The following LRRC4C variants were observed in gnomAD, a reference collection of about 807,000 sequenced individuals.
LRRC4C encodes leucine-rich repeat-containing protein 4C.
In LRRC4C, 5 loss-of-function variants were observed where a neutral mutation model predicts 33.6. The observed-to-expected ratio is 0.15, with a 90% CI of 0.08 to 0.31. The LOEUF is 0.31. Ranked by LOEUF, LRRC4C falls within the 10% of genes least tolerant of loss-of-function variation. The probability of loss-of-function intolerance (pLI) is 1.00; values close to 1 mark genes in which losing one functional copy is unlikely to be tolerated. For synonymous variants in LRRC4C, 329 were observed against 302.0 expected, an observed-to-expected ratio of 1.09 and a Z score of -0.93; for missense variants, 560 against 796.7, an observed-to-expected ratio of 0.70 and a Z score of 3.58.
At chr11:40,739,025 G>GTA (rs1293535868) in intron 2 of LRRC4C, among the ~76,000 whole-genome samples, 1,728 of 74,494 alleles carry the variant, frequency 0.023, 30 homozygotes, top group African/African-American at 0.068. Flanking sequence ...GTGTGTGTGT[G>GTA]TGTATGTGTG....
At chr11:41,355,806 A>G (rs540051752) in intron 1 of LRRC4C, among the ~76,000 whole-genome samples, 1 of 152,260 alleles carries the variant, frequency 6.6e-6, no homozygotes, top group African/African-American at 2.4e-5. Flanking sequence ...GTTTTTTTAA[A>G]GAATCATAGT....
At chr11:40,142,338 T>C (rs1857433635) in intron 5 of LRRC4C, among the ~76,000 whole-genome samples, 1 of 148,300 alleles carries the variant, frequency 6.7e-6, no homozygotes, top group Admixed American at 6.7e-5. Flanking sequence ...CCAAATCTCA[T>C]GGTTTCAAGA....
intron 3 of LRRC4C, among the ~76,000 whole-genome samples, chr11:40,524,035 A>G (rs540980385): frequency 6.6e-6 from 1 of 152,290 alleles, no homozygotes; most frequent in East Asian, 1.9e-4. Flanking sequence ...TTTGATCCCA[A>G]TCTAATGTGT....
intron 2 of LRRC4C, among the ~76,000 whole-genome samples, chr11:40,656,527 A>G (rs1379913761): frequency 1.4e-5 from 2 of 144,858 alleles, no homozygotes; most frequent in Non-Finnish European, 3.0e-5. Context: ...AACTCTATTT[A>G]TGTCCTTTCA....
At chr11:40,168,089 A>C (rs1273522498) in intron 5 of LRRC4C, among the ~76,000 whole-genome samples, 1 of 152,018 alleles carries the variant, frequency 6.6e-6, no homozygotes, top group Non-Finnish European at 1.5e-5. Context: ...CAAAAAAACT[A>C]TCCCACTGCT....
rs71060975 is a variant in LRRC4C at position 40,635,628 on chromosome 11, ATTTTTTTTT to A, written c.-270+12505_-270+12513del. On this transcript the variant is annotated intron_variant, in intron 3 of 6. Transcript: ENST00000528697. ...ACTCCAGAAATTGAAAAAGAACCAA[ATTTTTTTTT>A]TTTTTTTTTTTTTTTTTGAGACGGA... Among the ~76,000 whole-genome samples the A allele has an allele frequency of 1.8e-3, 167 of 92,230 alleles. 1 individual carries two copies. Among genetic ancestry groups the A allele is most frequent in the African/African-American group, 6.2e-3 (153 of 24,802 alleles). 60.5% of individuals were successfully genotyped at this position (92,230 alleles called of 152,430 possible).
At chr11:40,295,735 T>G (rs2136625191) in intron 4 of LRRC4C, among the ~76,000 whole-genome samples, 1 of 152,330 alleles carries the variant, frequency 6.6e-6, no homozygotes, top group African/African-American at 2.4e-5. Flanking sequence ...TTTCCCCATC[T>G]TTTTGGAGAG....
intron 1 of LRRC4C, among the ~76,000 whole-genome samples, chr11:41,248,806 A>G (rs1948537053): frequency 6.6e-6 from 1 of 152,094 alleles, no homozygotes; most frequent in African/African-American, 2.4e-5. Flanking sequence ...AAGCTTCCCA[A>G]AGACATGCTT....
intron 2 of LRRC4C, among the ~76,000 whole-genome samples, chr11:40,879,916 C>T (rs897150616): frequency 2.0e-5 from 3 of 152,134 alleles, no homozygotes; most frequent in Non-Finnish European, 4.4e-5. Context: ...GGCATTGCCA[C>T]TCTGCTTGTT....
chr11:40,634,660 G>A (rs1370599537), intron 3 of LRRC4C, among the ~76,000 whole-genome samples: 7 of 151,938 alleles, frequency 4.6e-5, no homozygotes, highest in Non-Finnish European at 7.4e-5. Context: ...CCTTGAGCCC[G>A]GGAGTTAGAG....
chr11:40,314,707 C>G (rs574215234), intron 4 of LRRC4C, among the ~76,000 whole-genome samples: 1 of 152,172 alleles, frequency 6.6e-6, no homozygotes, highest in East Asian at 1.9e-4. Context: ...CAATAAAATA[C>G]TATTCAACCA....
chr11:40,773,952 G>A (rs192514529), intron 2 of LRRC4C, among the ~76,000 whole-genome samples: 1 of 152,116 alleles, frequency 6.6e-6, no homozygotes, highest in African/African-American at 2.4e-5. Context: ...GTTATATCTA[G>A]TCTTCAAACA....
chr11:40,262,659 GGAT>G (rs887271611), intron 4 of LRRC4C, among the ~76,000 whole-genome samples: 4 of 152,114 alleles, frequency 2.6e-5, no homozygotes, highest in African/African-American at 9.7e-5. Flanking sequence ...GCCATAAAAA[GGAT>G]GAGTTCATGT....
intron 3 of LRRC4C, among the ~76,000 whole-genome samples, chr11:40,571,642 C>T (rs896087877): frequency 3.3e-5 from 5 of 152,108 alleles, no homozygotes; most frequent in Non-Finnish European, 5.9e-5. Context: ...AGAAATAGCC[C>T]AGAGGATCTC....
chr11:40,925,147 T>C (rs867828982), intron 2 of LRRC4C, among the ~76,000 whole-genome samples: 1 of 107,378 alleles, frequency 9.3e-6, no homozygotes, highest in Non-Finnish European at 2.3e-5. Flanking sequence ...CTCTCTCTCT[T>C]TCCTGTGTAT....
chr11:41,372,267 C>A (rs1447793248), intron 1 of LRRC4C, among the ~76,000 whole-genome samples: 1 of 152,198 alleles, frequency 6.6e-6, no homozygotes, highest in African/African-American at 2.4e-5. Context: ...AAGAGAGCAA[C>A]TAAGTAACCA....
chr11:40,272,777 A>T (rs1942805433), intron 4 of LRRC4C, among the ~76,000 whole-genome samples: 1 of 152,130 alleles, frequency 6.6e-6, no homozygotes, highest in African/African-American at 2.4e-5. Context: ...GTCTTATTAT[A>T]AAAGCATTAG....
At chr11:41,305,818 G>T (rs1950481624) in intron 1 of LRRC4C, among the ~76,000 whole-genome samples, 1 of 130,962 alleles carries the variant, frequency 7.6e-6, no homozygotes, top group Admixed American at 7.9e-5. Flanking sequence ...TTGTTCACTT[G>T]TTTATCTGCT....
At chr11:41,006,139 T>C (rs1383659571) in intron 1 of LRRC4C, among the ~76,000 whole-genome samples, 1 of 152,236 alleles carries the variant, frequency 6.6e-6, no homozygotes, top group Non-Finnish European at 1.5e-5. Context: ...TTTAGTGGTG[T>C]TGACATATTT....
Sources: gnomAD v4.1 joint callset for allele counts (sites outside exome capture counted in the v4.1 genomes callset) on GRCh38, gnomAD v4.1.1 for gene constraint, MANE v1.5 for transcripts, NCBI Gene and HGNC (gene_info 2026-07-23, HGNC 2026-07-21) for gene names.